NEDD4L: variants seen among roughly 807,000 people sequenced by gnomAD.
NEDD4L encodes NEDD4 like E3 ubiquitin protein ligase, also known as E3 ubiquitin-protein ligase NEDD4-like.
A neutral mutation model predicts 148.9 loss-of-function variants in NEDD4L; 54 were observed. That is an observed-to-expected ratio of 0.36 (90% CI 0.29 to 0.45). The LOEUF (loss-of-function observed/expected upper bound fraction) is 0.45, where lower values mean the gene tolerates loss of function less well. NEDD4L is among the 20% of genes least tolerant of loss of function. The pLI, the probability that NEDD4L is intolerant of heterozygous loss-of-function variation, is 1.00. For synonymous variants in NEDD4L, 433 were observed against 440.7 expected, an observed-to-expected ratio of 0.98 and a Z score of 0.22; for missense variants, 856 against 1,233.8, an observed-to-expected ratio of 0.69 and a Z score of 4.59.
intron 1 of NEDD4L, among the ~76,000 whole-genome samples, chr18:58,120,382 T>G (rs1361946030): frequency 7.2e-5 from 11 of 152,198 alleles, no homozygotes; most frequent in Non-Finnish European, 2.9e-5. Context: ...TTAATTACAG[T>G]TACCTCACTG....
intron 28 of NEDD4L, chr18:58,389,661 G>T (rs1602035950): frequency 6.6e-6 from 1 of 152,474 alleles, no homozygotes; most frequent in Non-Finnish European, 1.4e-5. Flanking sequence ...TTATCTTAGG[G>T]CCACTGTTTG....
At chr18:58,304,624 G>A (rs150576934) in intron 5 of NEDD4L, among the ~76,000 whole-genome samples, 1 of 152,194 alleles carries the variant, frequency 6.6e-6, no homozygotes, top group Non-Finnish European at 1.5e-5. Flanking sequence ...ATTGGCCTTT[G>A]GTGATTGAGA....
intron 5 of NEDD4L, among the ~76,000 whole-genome samples, chr18:58,262,884 C>T (rs1469285443): frequency 6.6e-6 from 1 of 152,124 alleles, no homozygotes; most frequent in East Asian, 1.9e-4. Flanking sequence ...TTCCTGGTCT[C>T]TAGGCATCAC....
chr18:58,290,198 TGAAG>T (rs142433455), intron 5 of NEDD4L, among the ~76,000 whole-genome samples: 3,653 of 152,248 alleles, frequency 0.024, 145 homozygotes, highest in African/African-American at 0.081. Flanking sequence ...AATGAACAAA[TGAAG>T]GAAGAAACAA....
intron 1 of NEDD4L, among the ~76,000 whole-genome samples, chr18:58,097,101 CA>C (rs1366826755): frequency 6.6e-6 from 1 of 150,914 alleles, no homozygotes; most frequent in Admixed American, 6.6e-5. Flanking sequence ...CCTTAAATTA[CA>C]AAAAGAAAAA....
At chr18:58,184,250 T>A (rs890369605) in intron 2 of NEDD4L, among the ~76,000 whole-genome samples, 3 of 152,124 alleles carry the variant, frequency 2.0e-5, no homozygotes, top group Admixed American at 1.3e-4. Flanking sequence ...TTTTAGGAAT[T>A]GCCATGTTGT....
Position 58,248,894 on chromosome 18 carries a change from TC to T in NEDD4L, c.205-3del. On this transcript the variant is annotated splice_polypyrimidine_tract_variant and splice_region_variant and intron_variant, in intron 3 of 30. Transcript: ENST00000400345. ...AAAGATACTACAAGATAATTTCTCT[TC>T]CAGACACTGAACCCAAAATGGAATG... The T allele has an allele frequency of 1.4e-6, 2 of 1,468,634 alleles. No individual in the cohort carries two copies. Among genetic ancestry groups the T allele is most frequent in the Non-Finnish European group, 1.9e-6 (2 of 1,071,488 alleles). 91.0% of individuals were successfully genotyped at this position (1,468,634 alleles called of 1,614,324 possible).
In NEDD4L at chr18:58,311,781, ACAT is replaced by A. The variant is rs565828091; in HGVS notation, c.298-4199_298-4197del. On this transcript the variant is annotated intron_variant, in intron 5 of 30. Transcript: ENST00000400345. The stretch of plus-strand genomic sequence containing the variant: ...ATTGAGTCTTGAGTATTTTGTGAGG[ACAT>A]CTAAGCCTGGCGTCCACGTCAGTGC... 5.9e-5 allele frequency among the ~76,000 whole-genome samples: 9 copies of A among 152,262 alleles called. 1 individual carries two copies. In the East Asian group the frequency reaches 1.7e-3, roughly 29 times the overall value.
intron 5 of NEDD4L, among the ~76,000 whole-genome samples, chr18:58,302,512 A>G (rs1291647160): frequency 6.6e-6 from 1 of 152,222 alleles, no homozygotes; most frequent in Non-Finnish European, 1.5e-5. Context: ...TGGAGACCAG[A>G]TGAATTGAAC....
At chr18:58,061,988 TTGGCTATCCA>T (rs922109184) in intron 1 of NEDD4L, among the ~76,000 whole-genome samples, 2 of 152,200 alleles carry the variant, frequency 1.3e-5, no homozygotes, top group African/African-American at 4.8e-5. Context: ...GCAGCCTCCC[TTGGCTATCCA>T]TGGTATTAGA....
chr18:58,333,722 C>T (rs1025661356), intron 11 of NEDD4L, 96 bp from the exon 12 acceptor site: 52 of 797,600 alleles, frequency 6.5e-5, no homozygotes, highest in East Asian at 2.1e-4. Context: ...TATCGAAGAG[C>T]GGTGAATATG....
chr18:58,339,827 G>T (rs1353026759), intron 13 of NEDD4L, among the ~76,000 whole-genome samples: 1 of 152,150 alleles, frequency 6.6e-6, no homozygotes, highest in Non-Finnish European at 1.5e-5. Context: ...GGAACTCCAG[G>T]TGACCACCTT....
chr18:58,280,557 C>G (rs1319467889), intron 5 of NEDD4L, among the ~76,000 whole-genome samples: 1 of 152,148 alleles, frequency 6.6e-6, no homozygotes, highest in Non-Finnish European at 1.5e-5. Context: ...TTGGTAGGTT[C>G]TGTAGACTTG....
chr18:58,183,207 T>C (rs781664448), intron 2 of NEDD4L, among the ~76,000 whole-genome samples: 3 of 152,236 alleles, frequency 2.0e-5, no homozygotes, highest in Non-Finnish European at 2.9e-5. Context: ...GCATGCTTTT[T>C]ACAAGCAGTT....
At chr18:58,159,995 A>G (rs1485748324) in intron 1 of NEDD4L, among the ~76,000 whole-genome samples, 1 of 152,194 alleles carries the variant, frequency 6.6e-6, no homozygotes, top group Non-Finnish European at 1.5e-5. Context: ...CAGCTCAGAT[A>G]CCATCTTTTT....
At chr18:58,271,461 G>A (rs7231348) in intron 5 of NEDD4L, among the ~76,000 whole-genome samples, 25,999 of 152,088 alleles carry the variant, frequency 0.17, 2,394 homozygotes, top group Non-Finnish European at 0.18. Flanking sequence ...TTTGGTAATG[G>A]CTACCTTTCC....
At chr18:58,280,537 T>G (rs1311497791) in intron 5 of NEDD4L, among the ~76,000 whole-genome samples, 1 of 152,076 alleles carries the variant, frequency 6.6e-6, no homozygotes, top group Admixed American at 6.5e-5. Context: ...CGAGCACAAG[T>G]CTGTGCATAT....
At chr18:58,328,583 C>G (rs1211602467) in intron 9 of NEDD4L, among the ~76,000 whole-genome samples, 1 of 152,144 alleles carries the variant, frequency 6.6e-6, no homozygotes, top group Non-Finnish European at 1.5e-5. Context: ...AAGTAGCTGC[C>G]TTGTCATTGC....
intron 5 of NEDD4L, among the ~76,000 whole-genome samples, chr18:58,267,644 A>G (rs1325451902): frequency 1.1e-4 from 17 of 151,946 alleles, no homozygotes; most frequent in Admixed American, 9.8e-4. Flanking sequence ...TCATGTTGCA[A>G]TGCCTAGAAA....
Sources: gnomAD v4.1 joint callset for allele counts (sites outside exome capture counted in the v4.1 genomes callset) on GRCh38, gnomAD v4.1.1 for gene constraint, MANE v1.5 for transcripts, NCBI Gene and HGNC (gene_info 2026-07-23, HGNC 2026-07-21) for gene names.